The following C12orf42 variants were observed in gnomAD, a reference collection of about 807,000 sequenced individuals.
C12orf42 encodes uncharacterized protein C12orf42.
In C12orf42, 25 loss-of-function variants were observed where a neutral mutation model predicts 21.6. The ratio of observed to expected loss-of-function variants is 1.16; its 90% CI spans 0.84 to 1.62. C12orf42 has a LOEUF of 1.62. Among genes scored for constraint, C12orf42 ranks in the 40% most tolerant of loss-of-function variants. C12orf42 has a pLI of 0.00. For missense variants in C12orf42, 483 were observed against 459.3 expected (o/e 1.05, Z -0.47); for synonymous variants, 174 against 175.0 (o/e 0.99, Z 0.05).
intron 2 of C12orf42, among the ~76,000 whole-genome samples, chr12:103,426,454 G>A (rs144432852): frequency 2.6e-5 from 4 of 152,288 alleles, no homozygotes; most frequent in African/African-American, 9.6e-5. Flanking sequence ...AGAAATATTG[G>A]ACTATGTGAA....
the C12orf42 span, among the ~76,000 whole-genome samples, chr12:103,098,909 T>C: frequency 6.6e-6 from 1 of 152,078 alleles, no homozygotes; most frequent in Non-Finnish European, 1.5e-5. Context: ...AAGACTGGAG[T>C]TGTAAGCAGT....
the C12orf42 span, chr12:103,557,646 G>T: frequency 6.6e-6 from 1 of 152,146 alleles, no homozygotes; most frequent in Non-Finnish European, 1.5e-5. Flanking sequence ...CCAAACAACT[G>T]GGTTCCCTGG....
chr12:103,379,653 A>G (rs2045999645), intron 3 of C12orf42, among the ~76,000 whole-genome samples: 2 of 152,200 alleles, frequency 1.3e-5, no homozygotes, highest in South Asian at 4.1e-4. Context: ...ATTTATTACA[A>G]TACACTTTGC....
intron 3 of C12orf42, among the ~76,000 whole-genome samples, chr12:103,388,688 T>C (rs946555898): frequency 1.3e-5 from 2 of 151,954 alleles, no homozygotes; most frequent in African/African-American, 4.8e-5. Context: ...GATGAAGGTC[T>C]CCCCAAACTC....
intron 2 of C12orf42, among the ~76,000 whole-genome samples, chr12:103,457,607 C>G (rs1438170801): frequency 1.3e-5 from 2 of 152,098 alleles, no homozygotes; most frequent in Non-Finnish European, 2.9e-5. Context: ...ACATTTAGTT[C>G]CCATACTGTC....
chr12:103,391,280 A>G (rs1198618498), intron 3 of C12orf42, among the ~76,000 whole-genome samples: 3 of 152,084 alleles, frequency 2.0e-5, no homozygotes, highest in Non-Finnish European at 4.4e-5. Flanking sequence ...TCTGTTTTCG[A>G]TTATTTAGGA....
At chr12:103,243,079 A>G (rs1343332423) in intron 10 of C12orf42, among the ~76,000 whole-genome samples, 1 of 152,146 alleles carries the variant, frequency 6.6e-6, no homozygotes, top group Non-Finnish European at 1.5e-5. Flanking sequence ...GCTAGAGTGC[A>G]GTGGCACAAT....
chr12:103,493,314 C>T (rs913482694), intron 1 of C12orf42, among the ~76,000 whole-genome samples: 8 of 152,114 alleles, frequency 5.3e-5, no homozygotes, highest in African/African-American at 1.9e-4. Context: ...CACAATGTTT[C>T]AGCCACATCA....
chr12:103,479,415 G>T (rs1954302108), intron 1 of C12orf42, among the ~76,000 whole-genome samples: 1 of 151,870 alleles, frequency 6.6e-6, no homozygotes, highest in African/African-American at 2.4e-5. Context: ...AATAAGAGGA[G>T]GTGATATCAA....
chr12:103,385,177 T>C (rs2046498628), intron 3 of C12orf42, among the ~76,000 whole-genome samples: 1 of 152,214 alleles, frequency 6.6e-6, no homozygotes, highest in South Asian at 2.1e-4. Flanking sequence ...CCCTAAAATA[T>C]AGTGTATAGA....
At chr12:103,199,974 CT>C in the C12orf42 span, among the ~76,000 whole-genome samples, 3 of 152,094 alleles carry the variant, frequency 2.0e-5, no homozygotes, top group African/African-American at 7.2e-5. Context: ...GAATTTCATT[CT>C]TGAGTATGGA....
intron 4 of C12orf42, among the ~76,000 whole-genome samples, chr12:103,280,157 T>C (rs760268164): frequency 6.6e-6 from 1 of 152,198 alleles, no homozygotes; most frequent in Non-Finnish European, 1.5e-5. Flanking sequence ...AAGTGGATAC[T>C]GATATTACCC....
the C12orf42 span, among the ~76,000 whole-genome samples, chr12:103,201,506 A>C: frequency 6.7e-6 from 1 of 150,120 alleles, no homozygotes; most frequent in African/African-American, 2.5e-5. Flanking sequence ...AATGAAAATT[A>C]AAAAAAAAAG....
chr12:103,098,164 C>T, the C12orf42 span, among the ~76,000 whole-genome samples: 3 of 152,160 alleles, frequency 2.0e-5, no homozygotes, highest in African/African-American at 7.2e-5. Flanking sequence ...ATTTATGGTT[C>T]CGCCATGGCC....
chr12:103,208,770 C>CATT, the C12orf42 span, among the ~76,000 whole-genome samples: 2 of 152,140 alleles, frequency 1.3e-5, no homozygotes, highest in South Asian at 4.1e-4. Context: ...TTCTTGCATT[C>CATT]ATTTTTGTTA....
chr12:103,300,466 T>C (rs1368517041), downstream of C12orf42, among the ~76,000 whole-genome samples: 1 of 152,214 alleles, frequency 6.6e-6, no homozygotes, highest in African/African-American at 2.4e-5. Flanking sequence ...TTAGCCTGTA[T>C]TCCTTTTCTG....
chr12:103,499,784 T>C (rs565177346), upstream of C12orf42, among the ~76,000 whole-genome samples: 1 of 152,184 alleles, frequency 6.6e-6, no homozygotes, highest in Non-Finnish European at 1.5e-5. Flanking sequence ...GAAATACTGT[T>C]TGAACATCAG....
the C12orf42 span, among the ~76,000 whole-genome samples, chr12:103,187,892 G>A: frequency 1.3e-5 from 2 of 152,136 alleles, no homozygotes; most frequent in African/African-American, 4.8e-5. Context: ...ACAAAAAGAG[G>A]ATTTAAGGAG....
chr12:103,559,369 G>A, the C12orf42 span: 1 of 152,380 alleles, frequency 6.6e-6, no homozygotes, highest in African/African-American at 2.4e-5. Flanking sequence ...AGGACACCTG[G>A]AAACTTGGGC....
Sources: allele counts gnomAD v4.1 joint callset (sites outside exome capture counted in the v4.1 genomes callset), GRCh38; gene constraint gnomAD v4.1.1; transcripts MANE v1.5; gene names NCBI Gene and HGNC (gene_info 2026-07-23, HGNC 2026-07-21).